GFPT1: variants seen among roughly 807,000 people sequenced by gnomAD.
The protein encoded by GFPT1 is glutamine--fructose-6-phosphate transaminase 1, also known as glutamine--fructose-6-phosphate aminotransferase [isomerizing] 1.
Under a neutral mutation model 92.0 loss-of-function variants are expected in GFPT1, and 40 were observed. That is an observed-to-expected ratio of 0.43 (90% CI 0.34 to 0.57). GFPT1 has a LOEUF of 0.57. Among genes scored for constraint, GFPT1 ranks in the 20% least tolerant of loss-of-function variants. The probability of loss-of-function intolerance (pLI) is 0.02; values close to 1 mark genes in which losing one functional copy is unlikely to be tolerated. For missense variants in GFPT1, 448 were observed against 869.1 expected (o/e 0.52, Z 6.09); for synonymous variants, 269 against 280.6 (o/e 0.96, Z 0.41).
chr2:69,328,508 A>T, intron 17 of GFPT1, 70 bp from the exon 18 acceptor site: 5 of 1,122,276 alleles, frequency 4.5e-6, no homozygotes, highest in Non-Finnish European at 6.8e-6. Flanking sequence ...AATATTATAA[A>T]AAGCATCTGA....
intron 1 of GFPT1, among the ~76,000 whole-genome samples, chr2:69,375,326 T>C (rs756166871): frequency 2.2e-4 from 34 of 152,368 alleles, no homozygotes; most frequent in Non-Finnish European, 3.7e-4. Context: ...TTCTGTGAGA[T>C]AGAACTCCCA....
chr2:69,378,429 C>T (rs192763542), intron 1 of GFPT1, among the ~76,000 whole-genome samples: 29 of 152,328 alleles, frequency 1.9e-4, no homozygotes, highest in Non-Finnish European at 3.1e-4. Flanking sequence ...ATTCTCTACC[C>T]CCAAATCAGC....
At chr2:69,334,735 C>T (rs1475967440) in intron 15 of GFPT1, 1 of 152,172 alleles carries the variant, frequency 6.6e-6, no homozygotes, top group East Asian at 1.9e-4. Flanking sequence ...GCTAGACACA[C>T]AAGACGTGTT....
intron 15 of GFPT1, among the ~76,000 whole-genome samples, chr2:69,330,384 A>AG (rs1431349391): frequency 6.6e-6 from 1 of 152,230 alleles, no homozygotes; most frequent in African/African-American, 2.4e-5. Flanking sequence ...TAAGAAAGGA[A>AG]GGAAAAGATG....
Position 69,374,075 on chromosome 2 carries a change from T to A in GFPT1, c.46A>T (p.Arg16Ter). ...AYLNYHVPRTRREILETLIKG... is the reference protein window; with the variant it reads ...AYLNYHVPRT ...ATTAGGGTCTCCAGGATTTCTCGTC[T>A]CGTTCGAGGAACATGGTAGTTTAAG... Residue 16 changes from arginine to a stop codon, truncating the protein, a stop_gained, in exon 2 of 20, where the codon AGA becomes TGA. Transcript: ENST00000357308. LOFTEE classifies it high-confidence loss of function. 6.3e-7 allele frequency: 1 copy of A among 1,597,630 alleles called. No individual in the cohort carries two copies. Among genetic ancestry groups the A allele is most frequent in the Non-Finnish European group, 8.6e-7 (1 of 1,165,872 alleles).
rs550960239 is a variant in GFPT1 at position 69,319,988 on chromosome 2, A to G, written c.*6201T>C. Reference sequence around the variant, plus strand: ...TGCAACGTTATTTCTCTTGCCTAGAAGCTAAAGCCTTAATTGTCTCAGATA... The same window carrying G: ...TGCAACGTTATTTCTCTTGCCTAGAGGCTAAAGCCTTAATTGTCTCAGATA... On this transcript the variant is annotated 3_prime_UTR_variant, in exon 20 of 20. Transcript: ENST00000357308. 3 of 152,362 alleles carry G rather than the reference A, an allele frequency of 2.0e-5. No homozygotes were observed. Among genetic ancestry groups the G allele is most frequent in the Admixed American group, 2.0e-4 (3 of 15,306 alleles). The allele number at this position is 152,362 out of a possible 1,614,324, so 9.4% of individuals were successfully genotyped here.
intron 13 of GFPT1, among the ~76,000 whole-genome samples, chr2:69,340,132 TG>T (rs1319880592): frequency 7.0e-6 from 1 of 143,784 alleles, no homozygotes; most frequent in African/African-American, 2.7e-5. Flanking sequence ...TTATTTTAGT[TG>T]GGGCAACTTT....
At position 69,368,545 on chromosome 2, in the gene GFPT1, T is replaced by C. The variant is rs142773478; in HGVS notation, c.223+1456A>G. Among the ~76,000 whole-genome samples, 880 of 152,282 alleles carry C rather than the reference T, an allele frequency of 5.8e-3. 18 individuals carry two copies. In the East Asian group the frequency reaches 0.064, roughly 11 times the overall value. On this transcript the variant is annotated intron_variant, in intron 3 of 19. Transcript: ENST00000357308. ...GAGTTCAAGACCAGCCTGGCCAATA[T>C]GGTGAAACCCCATCTCTACCAAAAA...
intron 11 of GFPT1, among the ~76,000 whole-genome samples, chr2:69,347,187 A>T (rs1218876875): frequency 1.3e-5 from 2 of 150,628 alleles, no homozygotes; most frequent in Non-Finnish European, 2.9e-5. Flanking sequence ...CTAGGATTAC[A>T]GGTGTGAGCC....
chr2:69,342,213 A>T lies in GFPT1; in HGVS notation c.1142T>A (p.Ile381Asn). 1 of 1,611,108 alleles carries T rather than the reference A, an allele frequency of 6.2e-7. No individual in the cohort carries two copies. ...AAGAATCAAACGCCGGCATCTCTGG[A>T]TCTCCTTTATGTGATCCTTCAAACC... The part of the protein sequence containing the change: ...LGGLKDHIKE[I>N]QRCRRLILIA... The change falls in exon 13 of 20, where the codon ATC becomes AAC. Residue 381 changes from isoleucine (I) to asparagine (N), a missense_variant. By Grantham distance (149) the Ile-to-Asn change is moderately radical. Around this residue, in one of 7 missense-constraint regions of GFPT1, gnomAD observed 121 missense variants for 304.3 expected, o/e 0.40. Transcript: ENST00000357308.
At chr2:69,377,875 G>T (rs1202667028) in intron 1 of GFPT1, among the ~76,000 whole-genome samples, 1 of 152,214 alleles carries the variant, frequency 6.6e-6, no homozygotes, top group Non-Finnish European at 1.5e-5. Context: ...AATACTGGCA[G>T]CAATTCATCA....
intron 19 of GFPT1, among the ~76,000 whole-genome samples, chr2:69,326,479 T>C (rs1225981489): frequency 2.0e-5 from 3 of 152,202 alleles, no homozygotes; most frequent in Non-Finnish European, 2.9e-5. Context: ...AGAGCTACTG[T>C]GGTCCTCTAC....
rs1033297925 is a variant in GFPT1, at chr2:69,348,021, G to C, written c.1009+150C>G. 6 of 694,948 alleles carry C rather than the reference G, an allele frequency of 8.6e-6. No individual in the cohort carries two copies. The African/African-American group carries it at 1.1e-4, about 12-fold the overall frequency. The allele number at this position is 694,948 out of a possible 1,614,324, so 43.0% of individuals were successfully genotyped here. Reference sequence around the variant, plus strand: ...AAAAACAGCAGATAATTTCTCTAAAGAATCATCCCTTTTCCTAGCGTTGTC... The same window carrying C: ...AAAAACAGCAGATAATTTCTCTAAACAATCATCCCTTTTCCTAGCGTTGTC... On this transcript the variant is annotated intron_variant, in intron 11 of 19. Transcript: ENST00000357308.
rs115972148 is a variant in GFPT1, at chr2:69,373,051, A to G, written c.115+955T>C. 4.6e-3 allele frequency among the ~76,000 whole-genome samples: 703 copies of G among 152,330 alleles called. 4 individuals are homozygous for G. The highest frequency in any genetic ancestry group is 0.016 in the African/African-American group (670 of 41,576). On this transcript the variant is annotated intron_variant, in intron 2 of 19. Transcript: ENST00000357308. The stretch of plus-strand genomic sequence containing the variant: ...AGGGTGCCTATGTGACCAACCCCCA[A>G]TGAAAACCTTAGGCACTGATCCACT...
chr2:69,337,876 G>A (rs745944713), intron 15 of GFPT1, 22 bp downstream of exon 15: 1 of 1,599,250 alleles, frequency 6.3e-7, no homozygotes, highest in Non-Finnish European at 8.6e-7. Flanking sequence ...ATAATCATCA[G>A]AGAAATGAGT....
chr2:69,372,177 T>A (rs992068512), intron 2 of GFPT1, among the ~76,000 whole-genome samples: 7 of 132,722 alleles, frequency 5.3e-5, no homozygotes, highest in African/African-American at 2.0e-4. Flanking sequence ...TCCAGCCTTG[T>A]GACAGAGTGA....
At chr2:69,333,818 G>T (rs1301042918) in intron 15 of GFPT1, among the ~76,000 whole-genome samples, 1 of 152,180 alleles carries the variant, frequency 6.6e-6, no homozygotes, top group Non-Finnish European at 1.5e-5. Flanking sequence ...CAAGATCACA[G>T]AATTCTTCTA....
chr2:69,328,395 G>T lies in GFPT1; in HGVS notation c.1769C>A (p.Ala590Asp). The change falls in exon 18 of 20, where the codon GCT becomes GAT. Residue 590 changes from alanine (A) to aspartate (D), a missense_variant. Transcript: ENST00000357308. ...CAGAGGGCCATGTTTCAATTCACCA[G>T]CAAGGATGCCTTCAGAGTGCATATA... ...ITYMHSEGILAGELKHGPLAL... is the reference protein window; with the variant it reads ...ITYMHSEGILDGELKHGPLAL... 6.2e-7 allele frequency: 1 copy of T among 1,613,172 alleles called. No individual in the cohort carries two copies. Among genetic ancestry groups the T allele is most frequent in the Non-Finnish European group, 8.5e-7 (1 of 1,179,294 alleles).
chr2:69,387,182 A>C lies in GFPT1; in HGVS notation c.-111T>G. On this transcript the variant is annotated 5_prime_UTR_variant, in exon 1 of 20. Transcript: ENST00000357308. ...GGGCTCGGGGGCCGGGGTGGCGCCG[A>C]CACGACTCCCTCGGGGATGCGACGG... 1 of 1,233,906 alleles carries C rather than the reference A, an allele frequency of 8.1e-7. No individual in the cohort carries two copies. The highest frequency in any genetic ancestry group is 1.1e-6 in the Non-Finnish European group (1 of 909,656). 76.4% of individuals were successfully genotyped at this position (1,233,906 alleles called of 1,614,324 possible).
Sources: allele counts gnomAD v4.1 joint callset (sites outside exome capture counted in the v4.1 genomes callset), GRCh38; gene constraint gnomAD v4.1.1; regional missense constraint gnomAD v4.1.1; transcripts MANE v1.5; gene names NCBI Gene and HGNC (gene_info 2026-07-23, HGNC 2026-07-21).